The following ADGRF1 variants were observed in gnomAD, a reference collection of about 807,000 sequenced individuals.
The protein encoded by ADGRF1 is adhesion G protein-coupled receptor F1.
A neutral mutation model predicts 87.2 loss-of-function variants in ADGRF1; 85 were observed. The observed-to-expected ratio is 0.97, with a 90% CI of 0.82 to 1.17. The LOEUF (loss-of-function observed/expected upper bound fraction) is 1.17, where lower values mean the gene tolerates loss of function less well. Among genes scored for constraint, ADGRF1 ranks in the 50% most tolerant of loss-of-function variants. The pLI is 0.00. For synonymous variants in ADGRF1, 430 were observed against 408.8 expected, an observed-to-expected ratio of 1.05 and a Z score of -0.63; for missense variants, 1,169 against 1,077.2, an observed-to-expected ratio of 1.09 and a Z score of -1.19.
intron 13 of ADGRF1, among the ~76,000 whole-genome samples, chr6:47,005,599 G>C (rs1420875298): frequency 6.6e-6 from 1 of 152,194 alleles, no homozygotes; most frequent in Non-Finnish European, 1.5e-5. Flanking sequence ...ATCCTTGTAA[G>C]TTTCCATGAC....
chr6:47,026,374 C>T (rs1039017282), intron 3 of ADGRF1, among the ~76,000 whole-genome samples: 2 of 152,000 alleles, frequency 1.3e-5, no homozygotes, highest in East Asian at 1.9e-4. Context: ...CCTTCCCTCC[C>T]CCGCCCCCAG....
In ADGRF1 at chr6:47,014,762, G is replaced by T; in HGVS notation, c.846C>A (p.Asn282Lys). The change falls in exon 9 of 15, where the codon AAC becomes AAA. Residue 282 changes from asparagine to lysine, a missense_variant. By Grantham distance (94) the Asn-to-Lys change is moderately conservative. Transcript: ENST00000371253. Reference protein sequence around the residue: ...TLPCSSGYRGNITAKCESSGW... With the variant: ...TLPCSSGYRGKITAKCESSGW... ...CAGAGGACTCACACTTGGCTGTGAT[G>T]TTTCCCCTGTAGCCACTGCTGCAGG... 1 of 1,613,978 alleles carries T rather than the reference G, an allele frequency of 6.2e-7. No homozygotes were observed. The highest frequency in any genetic ancestry group is 1.1e-5 in the South Asian group (1 of 91,072).
chr6:47,028,937 C>T lies in ADGRF1; in HGVS notation c.69+56G>A, dbSNP rs575596723. On this transcript the variant is annotated intron_variant, in intron 2 of 14. Coordinates refer to ENST00000371253, the MANE Select transcript of ADGRF1 (RefSeq NM_153840.4). Reference sequence around the variant, plus strand: ...AGAGAGTGAGGGGTTCTAAAAGTGCCGGAACGAGAGAGGAGAGTTAGTTGA... The same window carrying T: ...AGAGAGTGAGGGGTTCTAAAAGTGCTGGAACGAGAGAGGAGAGTTAGTTGA... The T allele has an allele frequency of 2.7e-5, 38 of 1,404,788 alleles. No individual in the cohort carries two copies. The Middle Eastern group carries it at 1.8e-3, about 65-fold the overall frequency. The allele number at this position is 1,404,788 out of a possible 1,614,324, so 87.0% of individuals were successfully genotyped here.
chr6:47,035,966 C>G (rs1034334393), intron 1 of ADGRF1, among the ~76,000 whole-genome samples: 1 of 152,146 alleles, frequency 6.6e-6, no homozygotes, highest in Non-Finnish European at 1.5e-5. Context: ...CGCGATGGCT[C>G]AAGCCTGTAA....
At chr6:47,038,021 C>T (rs1257395394) in intron 1 of ADGRF1, among the ~76,000 whole-genome samples, 3 of 152,034 alleles carry the variant, frequency 2.0e-5, no homozygotes, top group Admixed American at 6.5e-5. Flanking sequence ...CCACCATGCC[C>T]GGCTGATTTT....
rs143964423 is a variant in ADGRF1 at position 47,014,838 on chromosome 6, C to T, written c.770G>A (p.Cys257Tyr). Residue 257 changes from cysteine to tyrosine, a missense_variant, in exon 9 of 15, where the codon TGT becomes TAT. Physicochemically the swap from Cys to Tyr is radical, Grantham distance 194. Transcript: ENST00000371253. ...GSFRVFGKAQ[C>Y]NDIVFGFGSK... ...CCCAAATCCAAAGACAATGTCATTA[C>T]ACTGGGCTGGAAACAAAAGAAAACA... The T allele has an allele frequency of 2.4e-5, 38 of 1,603,062 alleles. No individual in the cohort carries two copies. The African/African-American group carries it at 3.9e-4, about 16-fold the overall frequency.
In ADGRF1 at chr6:47,009,075, A is replaced by G. The variant is rs372724186; in HGVS notation, c.2360T>C (p.Ile787Thr). ...AATGAGGAGGCTCTTCCCCACGCGG[A>G]TGATGGTGGCCTTGTCATCCCGACT... ...RLSRDDKATI[I>T]RVGKSLLILT... Residue 787 changes from isoleucine to threonine, a missense_variant, in exon 11 of 15, where the codon ATC becomes ACC. Coordinates refer to ENST00000371253, the MANE Select transcript of ADGRF1 (RefSeq NM_153840.4). The G allele has an allele frequency of 5.6e-6, 9 of 1,613,952 alleles. No individual in the cohort carries two copies. Among genetic ancestry groups the G allele is most frequent in the Non-Finnish European group, 7.6e-6 (9 of 1,180,014 alleles).
intron 1 of ADGRF1, among the ~76,000 whole-genome samples, chr6:47,030,159 A>C (rs1416597221): frequency 6.6e-6 from 1 of 152,138 alleles, no homozygotes; most frequent in East Asian, 1.9e-4. Flanking sequence ...ACTGCCCTCT[A>C]ATCTAAAAAG....
At chr6:47,033,347 A>G (rs528181942) in intron 1 of ADGRF1, among the ~76,000 whole-genome samples, 1 of 152,302 alleles carries the variant, frequency 6.6e-6, no homozygotes, top group African/African-American at 2.4e-5. Context: ...TTGTCTCCCT[A>G]TTCTTTCAGT....
chr6:47,028,392 G>GT (rs1012979602), intron 2 of ADGRF1, among the ~76,000 whole-genome samples: 2 of 152,170 alleles, frequency 1.3e-5, no homozygotes, highest in Admixed American at 6.5e-5. Context: ...GATTCTTAAG[G>GT]TTTTTTTGCC....
intron 1 of ADGRF1, among the ~76,000 whole-genome samples, chr6:47,030,470 T>C (rs762301961): frequency 6.6e-6 from 1 of 152,104 alleles, no homozygotes; most frequent in African/African-American, 2.4e-5. Context: ...CCTTCCCGCC[T>C]GCGCTTTCTG....
intron 13 of ADGRF1, 149 bp from the exon 14 acceptor site, chr6:47,001,716 C>A: frequency 3.2e-6 from 2 of 616,568 alleles, no homozygotes; most frequent in South Asian, 4.1e-5. Flanking sequence ...TGGTTACTTT[C>A]TCACTCTTTC....
intron 8 of ADGRF1, among the ~76,000 whole-genome samples, chr6:47,015,928 G>C (rs1391920855): frequency 6.6e-6 from 1 of 151,888 alleles, no homozygotes; most frequent in Non-Finnish European, 1.5e-5. Context: ...AGTAGAGTCG[G>C]GGTTTCACCA....
intron 9 of ADGRF1, chr6:47,012,715 T>A (rs1779745449): frequency 2.0e-6 from 2 of 985,412 alleles, no homozygotes; most frequent in Non-Finnish European, 2.4e-6. Flanking sequence ...GAGAGAAACA[T>A]ACATGGAGAT....
rs1039025622 is a variant in ADGRF1, at chr6:47,042,288, A to G, written c.-141T>C. ...TTATGCTGTTTGGAAAGAAAGTATC[A>G]GTATCTGAGCCACAGCAGCTCACTG... On this transcript the variant is annotated 5_prime_UTR_variant, in exon 1 of 15. Transcript: ENST00000371253. 1 of 152,228 alleles carries G rather than the reference A, an allele frequency of 6.6e-6. No homozygotes were observed. Among genetic ancestry groups the G allele is most frequent in the African/African-American group, 2.4e-5 (1 of 41,452 alleles). The allele number at this position is 152,228 out of a possible 1,614,324, so 9.4% of individuals were successfully genotyped here.
At chr6:47,036,488 A>G (rs1301370916) in intron 1 of ADGRF1, among the ~76,000 whole-genome samples, 1 of 152,200 alleles carries the variant, frequency 6.6e-6, no homozygotes, top group Non-Finnish European at 1.5e-5. Context: ...AAGGATGGAA[A>G]CACAAATGAT....
In ADGRF1 at chr6:47,037,169, T is replaced by A. The variant is rs76352329; in HGVS notation, c.-44+5022A>T. Among the ~76,000 whole-genome samples, 4 of 152,292 alleles carry A rather than the reference T, an allele frequency of 2.6e-5. No individual in the cohort carries two copies. In the East Asian group the frequency reaches 7.7e-4, roughly 29 times the overall value. ...ACAGTATCTTTTTAATGTTCCCAAA[T>A]GGATAGGCAAAATTTTTGCCTTATT... On this transcript the variant is annotated intron_variant, in intron 1 of 14. Transcript: ENST00000371253.
At chr6:47,001,380 G>T in intron 14 of ADGRF1, 121 bp downstream of exon 14, 1 of 756,622 alleles carries the variant, frequency 1.3e-6, no homozygotes, top group Non-Finnish European at 2.1e-6. Flanking sequence ...AAACATGGCT[G>T]GCTGATAATC....
intron 6 of ADGRF1, among the ~76,000 whole-genome samples, chr6:47,021,701 C>A (rs927756828): frequency 6.6e-6 from 1 of 152,076 alleles, no homozygotes; most frequent in Non-Finnish European, 1.5e-5. Context: ...AGAAAATAAT[C>A]AAGAAGCCTT....
Sources: allele counts gnomAD v4.1 joint callset (sites outside exome capture counted in the v4.1 genomes callset), GRCh38; gene constraint gnomAD v4.1.1; transcripts MANE v1.5; gene names NCBI Gene and HGNC (gene_info 2026-07-23, HGNC 2026-07-21).